DOCK1: variants seen among roughly 807,000 people sequenced by gnomAD.
DOCK1 encodes dedicator of cytokinesis protein 1.
Under a neutral mutation model 262.7 loss-of-function variants are expected in DOCK1, and 138 were observed. The observed-to-expected ratio is 0.53, with a 90% CI of 0.46 to 0.61. The LOEUF (loss-of-function observed/expected upper bound fraction) is 0.61, where lower values mean the gene tolerates loss of function less well. Ranked by LOEUF, DOCK1 falls within the 20% of genes least tolerant of loss-of-function variation. The pLI is 0.00. For synonymous variants in DOCK1, 866 were observed against 867.4 expected (o/e 1.00, Z 0.03); for missense variants, 1,908 against 2,370.7 (o/e 0.80, Z 4.05).
chr10:127,004,016 A>T lies in DOCK1; in HGVS notation c.985+3709A>T, dbSNP rs371785059. Among the ~76,000 whole-genome samples, 4 of 151,920 alleles carry T rather than the reference A, an allele frequency of 2.6e-5. 1 individual carries two copies. In the East Asian group the frequency reaches 7.8e-4, roughly 30 times the overall value. On this transcript the variant is annotated intron_variant, in intron 10 of 51. Coordinates refer to ENST00000623213, the MANE Select transcript of DOCK1 (RefSeq NM_001290223.2). Reference sequence around the variant, plus strand: ...ACACCTCTAATCCCAGAACTTTAGGAGGCCGAGGCAGGCAGATAATGAGGT... The same window carrying T: ...ACACCTCTAATCCCAGAACTTTAGGTGGCCGAGGCAGGCAGATAATGAGGT...
At chr10:127,337,724 T>A (rs1187853433) in intron 29 of DOCK1, among the ~76,000 whole-genome samples, 12 of 152,236 alleles carry the variant, frequency 7.9e-5, no homozygotes, top group Non-Finnish European at 5.9e-5. Context: ...TAACTCCACC[T>A]GCAGTTTTCT....
At chr10:127,323,071 G>T (rs942894030) in intron 29 of DOCK1, among the ~76,000 whole-genome samples, 1 of 149,718 alleles carries the variant, frequency 6.7e-6, no homozygotes, top group South Asian at 2.1e-4. Context: ...CGATCAATGC[G>T]AGCTCCCTTC....
At chr10:127,215,592 C>T (rs577854928) in intron 27 of DOCK1, among the ~76,000 whole-genome samples, 16 of 152,222 alleles carry the variant, frequency 1.1e-4, no homozygotes, top group African/African-American at 3.9e-4. Flanking sequence ...TTTTTAGACC[C>T]TGAAATAGAC....
intron 27 of DOCK1, among the ~76,000 whole-genome samples, chr10:127,198,579 AG>A (rs1222852461): frequency 2.0e-5 from 3 of 152,248 alleles, no homozygotes; most frequent in Non-Finnish European, 4.4e-5. Flanking sequence ...GTATAACTCC[AG>A]GAAGAAAATG....
rs754480241 is a variant in DOCK1, at chr10:127,399,750, G to T, written c.3928-3305G>T. On this transcript the variant is annotated intron_variant, in intron 38 of 51. Transcript: ENST00000623213. ...TTGCAGAAAATTTAAAAAAAAATAAGAAGAAGAATCCAGTGTAAGAGACCT... is the reference window on the plus strand; with the variant it reads ...TTGCAGAAAATTTAAAAAAAAATAATAAGAAGAATCCAGTGTAAGAGACCT... Among the ~76,000 whole-genome samples, 6 of 136,722 alleles carry T rather than the reference G, an allele frequency of 4.4e-5. No individual in the cohort carries two copies. In the South Asian group the frequency reaches 6.4e-4, roughly 15 times the overall value. The allele number at this position is 136,722 out of a possible 152,430, so 89.7% of individuals were successfully genotyped here. A position where few individuals can be genotyped will look rare whatever the true frequency, so the allele number is the denominator to read the frequency against.
chr10:127,251,922 G>T (rs918812601), intron 28 of DOCK1, among the ~76,000 whole-genome samples: 1 of 151,926 alleles, frequency 6.6e-6, no homozygotes, highest in African/African-American at 2.4e-5. Flanking sequence ...GGGTCAAATG[G>T]TATTTCTAGT....
Position 127,042,693 on chromosome 10 carries a change from C to A in DOCK1, c.2079C>A (p.Asp693Glu), listed in dbSNP as rs765309183. 1.2e-6 allele frequency: 2 copies of A among 1,613,982 alleles called. No individual in the cohort carries two copies. Among genetic ancestry groups the A allele is most frequent in the Admixed American group, 1.7e-5 (1 of 60,000 alleles). The part of the protein sequence containing the change: ...MMENSESETF[D>E]TLVFDALVFI... ...AGAACTCAGAGAGTGAGACTTTTGA[C>A]ACGTTAGTCTTTGATGCTCTGGTAA... Residue 693 changes from aspartate (D) to glutamate (E), a missense_variant, in exon 20 of 52, where the codon GAC becomes GAA. This residue lies in a region of DOCK1 where 294 missense variants were observed against 439.9 expected (regional missense o/e 0.67). Transcript: ENST00000623213.
chr10:127,214,041 G>C (rs559822536), intron 27 of DOCK1, among the ~76,000 whole-genome samples: 108 of 152,172 alleles, frequency 7.1e-4, no homozygotes, highest in Non-Finnish European at 1.2e-3. Context: ...CAGAGACAAG[G>C]TTTCACTATG....
rs2042701427 is a variant in DOCK1 at position 127,024,684 on chromosome 10, G to A, written c.1453-1G>A. The stretch of plus-strand genomic sequence containing the variant: ...TGAGCTCTTTATGTCTTCTTTTAAA[G>A]CATGTGATTTTCCCGGGTGCTGGTG... On this transcript the variant is annotated splice_acceptor_variant, in intron 14 of 51. Transcript: ENST00000623213. LOFTEE classifies it high-confidence loss of function. The A allele has an allele frequency of 6.2e-7, 1 of 1,607,832 alleles. No individual in the cohort carries two copies. Among genetic ancestry groups the A allele is most frequent in the Admixed American group, 1.7e-5 (1 of 59,226 alleles).
At chr10:127,137,940 A>C in intron 27 of DOCK1, 2 of 1,614,122 alleles carry the variant, frequency 1.2e-6, no homozygotes, top group Non-Finnish European at 1.7e-6. Context: ...CGAAGGTATG[A>C]CCTGAGTTTC....
At chr10:127,104,480 T>C (rs767285865) in intron 23 of DOCK1, among the ~76,000 whole-genome samples, 3 of 152,372 alleles carry the variant, frequency 2.0e-5, no homozygotes, top group Middle Eastern at 3.4e-3. Context: ...TATTTGCTCA[T>C]GGTACTGTGT....
chr10:127,439,468 G>A (rs943338153), intron 49 of DOCK1, among the ~76,000 whole-genome samples: 3 of 152,182 alleles, frequency 2.0e-5, no homozygotes, highest in South Asian at 2.1e-4. Context: ...GGCCTGGGGC[G>A]AGGCCGCTCT....
At chr10:127,131,885 A>G (rs1009607715) in intron 27 of DOCK1, among the ~76,000 whole-genome samples, 2 of 152,232 alleles carry the variant, frequency 1.3e-5, no homozygotes, top group African/African-American at 4.8e-5. Flanking sequence ...AGTGGAAATT[A>G]TGTAACTATG....
chr10:127,033,406 A>G (rs2043380077), intron 18 of DOCK1, among the ~76,000 whole-genome samples: 1 of 152,192 alleles, frequency 6.6e-6, no homozygotes, highest in Admixed American at 6.5e-5. Flanking sequence ...CTGTCCAGCC[A>G]GGGGTACTTC....
chr10:127,369,958 A>G (rs1478216974), intron 33 of DOCK1, among the ~76,000 whole-genome samples: 1 of 152,166 alleles, frequency 6.6e-6, no homozygotes, highest in African/African-American at 2.4e-5. Context: ...CTAGAGCCCC[A>G]AGGGTTGTGC....
intron 23 of DOCK1, among the ~76,000 whole-genome samples, chr10:127,093,488 G>A (rs1156259577): frequency 6.6e-6 from 1 of 151,448 alleles, no homozygotes; most frequent in South Asian, 2.1e-4. Context: ...AAGTAGCTGG[G>A]ATCACAGACG....
intron 23 of DOCK1, among the ~76,000 whole-genome samples, chr10:127,066,238 C>G (rs1403472195): frequency 6.6e-6 from 1 of 151,770 alleles, no homozygotes; most frequent in Non-Finnish European, 1.5e-5. Flanking sequence ...TGCGGTGTCT[C>G]CAGTCAGCCT....
intron 31 of DOCK1, among the ~76,000 whole-genome samples, chr10:127,347,347 A>G (rs2063679396): frequency 1.3e-5 from 2 of 152,196 alleles, no homozygotes; most frequent in Non-Finnish European, 1.5e-5. Flanking sequence ...TCATGAGTGG[A>G]GTGGGGCACG....
At chr10:127,252,555 AT>A (rs1164275544) in intron 28 of DOCK1, among the ~76,000 whole-genome samples, 1 of 148,870 alleles carries the variant, frequency 6.7e-6, no homozygotes, top group African/African-American at 2.5e-5. Flanking sequence ...TCTTGAATTA[AT>A]TTTTGTATAA....
Sources: gnomAD v4.1 joint callset for allele counts (sites outside exome capture counted in the v4.1 genomes callset) on GRCh38, gnomAD v4.1.1 for gene constraint, gnomAD v4.1.1 regional missense constraint, MANE v1.5 for transcripts, NCBI Gene and HGNC (gene_info 2026-07-23, HGNC 2026-07-21) for gene names.